GALNTL6: variants seen among roughly 807,000 people sequenced by gnomAD.
GALNTL6 encodes the protein polypeptide N-acetylgalactosaminyltransferase like 6.
Under a neutral mutation model 73.7 loss-of-function variants are expected in GALNTL6, and 46 were observed. That is an observed-to-expected ratio of 0.62 (90% confidence interval 0.49 to 0.80). The LOEUF is 0.80. GALNTL6 is among the 30% of genes least tolerant of loss of function. The pLI, the probability that GALNTL6 is intolerant of heterozygous loss-of-function variation, is 0.00. For synonymous variants in GALNTL6, 259 were observed against 263.7 expected (o/e 0.98, Z 0.17); for missense variants, 604 against 755.0 (o/e 0.80, Z 2.34).
intron 5 of GALNTL6, among the ~76,000 whole-genome samples, chr4:172,690,729 T>C (rs1417127162): frequency 6.6e-6 from 1 of 152,208 alleles, no homozygotes; most frequent in East Asian, 1.9e-4. Flanking sequence ...GAGAAAATAT[T>C]ATTTGCATAT....
intron 5 of GALNTL6, among the ~76,000 whole-genome samples, chr4:172,703,955 C>T (rs1734178884): frequency 6.6e-6 from 1 of 151,840 alleles, no homozygotes; most frequent in African/African-American, 2.4e-5. Flanking sequence ...TTATCTATGT[C>T]TTCCTGATTT....
Position 172,952,220 on chromosome 4 carries a change from T to TA in GALNTL6, c.1334dup (p.Tyr445Ter). Residue 445 changes from tyrosine (Y) to a stop codon, truncating the protein, a stop_gained and frameshift_variant, in exon 10 of 13, where the codon TAC becomes TAAC. Coordinates refer to ENST00000506823, the MANE Select transcript of GALNTL6 (RefSeq NM_001034845.3). LOFTEE classifies it high-confidence loss of function. Reference sequence around the variant, plus strand: ...TGTGGCCTGGGACGTGCCTAAATACTACCCTCCAGTGGAGCCCCCGCCTGC... The same window carrying TA: ...TGTGGCCTGGGACGTGCCTAAATACTAACCCTCCAGTGGAGCCCCCGCCTGC... ...AAVAWDVPKY[Y>*]PPVEPPPAAW... The TA allele has an allele frequency of 1.2e-6, 2 of 1,613,938 alleles. No homozygotes were observed. The highest frequency in any genetic ancestry group is 1.7e-6 in the Non-Finnish European group (2 of 1,179,932).
chr4:171,997,633 TA>T (rs1740531632), intron 2 of GALNTL6, among the ~76,000 whole-genome samples: 1 of 152,124 alleles, frequency 6.6e-6, no homozygotes, highest in African/African-American at 2.4e-5. Flanking sequence ...CATAAAGTTT[TA>T]AAAAATCATT....
chr4:172,271,692 C>T (rs1484356732), intron 3 of GALNTL6, among the ~76,000 whole-genome samples: 1 of 151,818 alleles, frequency 6.6e-6, no homozygotes, highest in Non-Finnish European at 1.5e-5. Flanking sequence ...TATGCATACA[C>T]ATGAAATACA....
intron 5 of GALNTL6, among the ~76,000 whole-genome samples, chr4:172,508,618 C>T (rs1734410349): frequency 1.9e-5 from 1 of 54,022 alleles, no homozygotes; most frequent in African/African-American, 4.6e-5. Flanking sequence ...TTTGCATCCT[C>T]ATAGCTTAGC....
intron 2 of GALNTL6, among the ~76,000 whole-genome samples, chr4:171,892,157 G>A (rs1436029784): frequency 6.6e-6 from 1 of 152,140 alleles, no homozygotes; most frequent in Non-Finnish European, 1.5e-5. Flanking sequence ...GTTTAGACCT[G>A]ATTCCTATCC....
chr4:172,868,044 C>A (rs1300968329), intron 7 of GALNTL6, among the ~76,000 whole-genome samples: 1 of 152,180 alleles, frequency 6.6e-6, no homozygotes, highest in Non-Finnish European at 1.5e-5. Context: ...AGAAGAGGAT[C>A]CTTTGGGCTC....
chr4:173,010,894 C>T (rs957289064), intron 11 of GALNTL6, among the ~76,000 whole-genome samples: 1 of 151,968 alleles, frequency 6.6e-6, no homozygotes, highest in Non-Finnish European at 1.5e-5. Context: ...CATAAGCCAC[C>T]ACGCCCAGCC....
chr4:172,177,791 AT>A (rs1735074158), intron 2 of GALNTL6, among the ~76,000 whole-genome samples: 4 of 101,736 alleles, frequency 3.9e-5, no homozygotes, highest in Non-Finnish European at 6.3e-5. Context: ...ACACATGTGT[AT>A]ATATATACAC....
intron 5 of GALNTL6, among the ~76,000 whole-genome samples, chr4:172,362,339 A>G (rs1391470001): frequency 1.3e-5 from 2 of 151,940 alleles, no homozygotes; most frequent in Admixed American, 1.3e-4. Context: ...TAATTTAAGT[A>G]ATTTATAAGT....
At chr4:172,141,169 G>A (rs564983684) in intron 2 of GALNTL6, among the ~76,000 whole-genome samples, 4 of 152,128 alleles carry the variant, frequency 2.6e-5, no homozygotes, top group African/African-American at 9.6e-5. Context: ...AAATCCTAGA[G>A]AGAGAGCAGA....
At chr4:172,930,618 T>C (rs1048413115) in intron 8 of GALNTL6, among the ~76,000 whole-genome samples, 1 of 152,226 alleles carries the variant, frequency 6.6e-6, no homozygotes, top group African/African-American at 2.4e-5. Context: ...AAAATTTTAC[T>C]AGAATTTTTC....
At chr4:172,287,231 A>T (rs1324816621) in intron 3 of GALNTL6, among the ~76,000 whole-genome samples, 1 of 152,180 alleles carries the variant, frequency 6.6e-6, no homozygotes, top group Non-Finnish European at 1.5e-5. Context: ...GAATGTATCC[A>T]TGTGTCTCTT....
rs1461128591 is a variant in GALNTL6 at position 172,062,076 on chromosome 4, A to T, written c.139-167580A>T. On this transcript the variant is annotated intron_variant, in intron 2 of 12. Transcript: ENST00000506823. ...ACGATTCTCCTGCCGCAGCCTCCTG[A>T]GTAGCTGGGACTACAGGTGCACACC... Among the ~76,000 whole-genome samples, 3 of 150,374 alleles carry T rather than the reference A, an allele frequency of 2.0e-5. No individual in the cohort carries two copies. In the East Asian group the frequency reaches 5.9e-4, roughly 30 times the overall value.
At chr4:172,060,944 C>A (rs1731180587) in intron 2 of GALNTL6, among the ~76,000 whole-genome samples, 1 of 151,992 alleles carries the variant, frequency 6.6e-6, no homozygotes, top group South Asian at 2.1e-4. Flanking sequence ...AGGAAAATGA[C>A]AAATGCAGAT....
chr4:172,388,203 G>T (rs1037119217), intron 5 of GALNTL6, among the ~76,000 whole-genome samples: 1 of 152,138 alleles, frequency 6.6e-6, no homozygotes, highest in Admixed American at 6.5e-5. Context: ...CATGAGCTCA[G>T]CCACTTGGCT....
chr4:172,557,169 G>T (rs1470806098), intron 5 of GALNTL6, among the ~76,000 whole-genome samples: 2 of 152,108 alleles, frequency 1.3e-5, no homozygotes, highest in Non-Finnish European at 2.9e-5. Context: ...AGGAAAAATT[G>T]CATGAGTTCA....
chr4:172,934,710 C>A (rs1055911361), intron 9 of GALNTL6, among the ~76,000 whole-genome samples: 1 of 152,178 alleles, frequency 6.6e-6, no homozygotes, highest in Non-Finnish European at 1.5e-5. Flanking sequence ...ATGCTCATGT[C>A]TAGAGTTGCA....
chr4:172,829,429 A>T (rs1354358715), intron 7 of GALNTL6, among the ~76,000 whole-genome samples: 1 of 152,176 alleles, frequency 6.6e-6, no homozygotes. Flanking sequence ...GGAATCTGAT[A>T]TCCATGTTTG....
Sources: allele counts gnomAD v4.1 joint callset (sites outside exome capture counted in the v4.1 genomes callset), GRCh38; gene constraint gnomAD v4.1.1; transcripts MANE v1.5; gene names NCBI Gene and HGNC (gene_info 2026-07-23, HGNC 2026-07-21).